ACYP2: variants seen among roughly 807,000 people sequenced by gnomAD.
The protein encoded by ACYP2 is acylphosphatase 2, also known as acylphosphatase-2.
ACYP2 carries 12 observed loss-of-function variants against 11.2 expected under a neutral mutation model. That is an observed-to-expected ratio of 1.08 (90% CI 0.69 to 1.74). ACYP2 has a LOEUF of 1.74. Ranked by LOEUF, ACYP2 falls within the 40% of genes most tolerant of loss-of-function variation. The pLI is 0.00. For synonymous variants in ACYP2, 43 were observed against 32.2 expected, an observed-to-expected ratio of 1.33 and a Z score of -1.13; for missense variants, 134 against 101.9, an observed-to-expected ratio of 1.31 and a Z score of -1.35.
intron 2 of ACYP2, among the ~76,000 whole-genome samples, chr2:53,997,137 C>T (rs971067529): frequency 2.0e-5 from 3 of 152,130 alleles, no homozygotes; most frequent in African/African-American, 4.8e-5. Context: ...TTTGACAAAC[C>T]ATTCTCTCTT....
chr2:53,999,736 C>T (rs1294543264), intron 2 of ACYP2, among the ~76,000 whole-genome samples: 4 of 152,194 alleles, frequency 2.6e-5, no homozygotes, highest in Admixed American at 1.3e-4. Context: ...TGTCCAATCT[C>T]ACATTTCAGA....
At chr2:54,017,683 G>A (rs1455270646) in intron 2 of ACYP2, among the ~76,000 whole-genome samples, 1 of 152,158 alleles carries the variant, frequency 6.6e-6, no homozygotes, top group Non-Finnish European at 1.5e-5. Context: ...CAGTGGCTCT[G>A]TAATTCTTAT....
At chr2:54,228,091 G>C (rs1184293658) in intron 6 of ACYP2, among the ~76,000 whole-genome samples, 1 of 152,190 alleles carries the variant, frequency 6.6e-6, no homozygotes, top group African/African-American at 2.4e-5. Context: ...AAAGGAAATG[G>C]AAGGAATGTA....
At chr2:54,280,430 T>C (rs77958180) in intron 6 of ACYP2, among the ~76,000 whole-genome samples, 295 of 152,216 alleles carry the variant, frequency 1.9e-3, no homozygotes, top group African/African-American at 6.9e-3. Context: ...CAGTAGTCAA[T>C]GGTATATGAA....
chr2:54,161,127 A>G (rs1342205387), intron 6 of ACYP2, among the ~76,000 whole-genome samples: 1 of 152,124 alleles, frequency 6.6e-6, no homozygotes. Context: ...GGTGACTGTG[A>G]TCCACATGAA....
intron 4 of ACYP2, among the ~76,000 whole-genome samples, chr2:54,130,866 A>G (rs1680860778): frequency 6.6e-6 from 1 of 152,160 alleles, no homozygotes; most frequent in African/African-American, 2.4e-5. Context: ...TTTGCTCATC[A>G]TTGAAGTCTC....
chr2:54,177,888 C>A (rs1683531736), intron 6 of ACYP2, among the ~76,000 whole-genome samples: 1 of 134,654 alleles, frequency 7.4e-6, no homozygotes, highest in African/African-American at 3.1e-5. Context: ...CCTCCTGTTT[C>A]TTTTCTTTCT....
At chr2:53,973,854 T>C (rs1456110964) in intron 2 of ACYP2, 3 of 114,594 alleles carry the variant, frequency 2.6e-5, no homozygotes, top group Non-Finnish European at 4.4e-5. Context: ...GGGATATATA[T>C]ATGTGTGTGT....
intron 2 of ACYP2, among the ~76,000 whole-genome samples, chr2:54,042,461 T>C (rs1233717651): frequency 6.6e-6 from 1 of 152,232 alleles, no homozygotes; most frequent in Non-Finnish European, 1.5e-5. Flanking sequence ...TCTGTTTAAG[T>C]TTTTCCTTAG....
intron 6 of ACYP2, among the ~76,000 whole-genome samples, chr2:54,184,522 GA>G (rs1010908647): frequency 6.6e-6 from 1 of 151,454 alleles, no homozygotes; most frequent in East Asian, 1.9e-4. Context: ...AAAAGAGAAA[GA>G]AAAAAATCCT....
At chr2:54,189,744 A>G (rs1180354465) in intron 6 of ACYP2, among the ~76,000 whole-genome samples, 1 of 152,192 alleles carries the variant, frequency 6.6e-6, no homozygotes, top group Non-Finnish European at 1.5e-5. Flanking sequence ...TTGCTGGGTC[A>G]TATGACAGTA....
At chr2:53,980,388 G>A (rs1227295735) in intron 2 of ACYP2, among the ~76,000 whole-genome samples, 1 of 151,080 alleles carries the variant, frequency 6.6e-6, no homozygotes, top group African/African-American at 2.4e-5. Context: ...AAAAGAAAAA[G>A]TTACAGTAAG....
intron 4 of ACYP2, among the ~76,000 whole-genome samples, chr2:54,063,630 A>G (rs1676582732): frequency 2.0e-5 from 3 of 152,238 alleles, no homozygotes; most frequent in Non-Finnish European, 4.4e-5. Context: ...TATTCTTTCT[A>G]GGTTCTGGGA....
chr2:54,143,554 C>G (rs1363226632), intron 6 of ACYP2, among the ~76,000 whole-genome samples: 5 of 152,074 alleles, frequency 3.3e-5, no homozygotes, highest in Non-Finnish European at 5.9e-5. Context: ...CTGCCTCAGC[C>G]TCCCGAGTAG....
At chr2:54,089,231 G>T (rs1678097357) in intron 4 of ACYP2, among the ~76,000 whole-genome samples, 1 of 152,118 alleles carries the variant, frequency 6.6e-6, no homozygotes, top group Non-Finnish European at 1.5e-5. Flanking sequence ...AGCAGTCAAT[G>T]AACCTTGAAT....
chr2:54,144,476 C>G (rs13404903), intron 6 of ACYP2, among the ~76,000 whole-genome samples: 12,239 of 151,980 alleles, frequency 0.081, 610 homozygotes, highest in African/African-American at 0.13. Flanking sequence ...GAGTTTGAGA[C>G]CAGCCTGGCC....
intron 6 of ACYP2, among the ~76,000 whole-genome samples, chr2:54,166,150 A>T (rs924070765): frequency 6.6e-6 from 1 of 152,152 alleles, no homozygotes; most frequent in Non-Finnish European, 1.5e-5. Flanking sequence ...AAGGAAACCA[A>T]AGTGTGTGCG....
intron 6 of ACYP2, among the ~76,000 whole-genome samples, chr2:54,239,911 T>C (rs1168112896): frequency 6.6e-6 from 1 of 152,252 alleles, no homozygotes; most frequent in Non-Finnish European, 1.5e-5. Context: ...TCTTTATTTT[T>C]AAAATTCTTC....
chr2:54,255,705 G>T, intron 6 of ACYP2: 1 of 1,613,818 alleles, frequency 6.2e-7, no homozygotes, highest in African/African-American at 1.3e-5. Flanking sequence ...CAGGCTTCAC[G>T]TCCTCGGCCT....
Sources: gnomAD v4.1 joint callset for allele counts (sites outside exome capture counted in the v4.1 genomes callset) on GRCh38, gnomAD v4.1.1 for gene constraint, MANE v1.5 for transcripts, NCBI Gene and HGNC (gene_info 2026-07-23, HGNC 2026-07-21) for gene names.